Variants in NKAIN2 observed in about 807,000 individuals in gnomAD.
NKAIN2 encodes the protein sodium/potassium transporting ATPase interacting 2.
In NKAIN2, 14 loss-of-function variants were observed where a neutral mutation model predicts 32.6. The ratio of observed to expected loss-of-function variants is 0.43; its 90% confidence interval spans 0.28 to 0.67. The LOEUF (loss-of-function observed/expected upper bound fraction) is 0.67, where lower values mean the gene tolerates loss of function less well. Ranked by LOEUF, NKAIN2 falls within the 30% of genes least tolerant of loss-of-function variation. NKAIN2 has a pLI of 0.17. For synonymous variants in NKAIN2, 80 were observed against 87.2 expected, an observed-to-expected ratio of 0.92 and a Z score of 0.46; for missense variants, 198 against 258.3, an observed-to-expected ratio of 0.77 and a Z score of 1.60.
At chr6:124,698,889 C>T (rs563443917) in intron 4 of NKAIN2, among the ~76,000 whole-genome samples, 2 of 152,288 alleles carry the variant, frequency 1.3e-5, no homozygotes, top group Non-Finnish European at 2.9e-5. Flanking sequence ...AGTAATAACA[C>T]AGAATGTTTT....
chr6:124,592,657 C>T (rs2114964225), intron 3 of NKAIN2, among the ~76,000 whole-genome samples: 2 of 152,238 alleles, frequency 1.3e-5, no homozygotes, highest in South Asian at 4.2e-4. Context: ...AGTATTTATT[C>T]ATCAACATTT....
At chr6:124,810,254 C>G (rs939908307) in intron 5 of NKAIN2, among the ~76,000 whole-genome samples, 46 of 151,674 alleles carry the variant, frequency 3.0e-4, no homozygotes, top group Non-Finnish European at 4.9e-4. Flanking sequence ...CAATGATAGA[C>G]TGGATTAAGA....
intron 1 of NKAIN2, among the ~76,000 whole-genome samples, chr6:123,990,700 A>T (rs532052128): frequency 1.3e-3 from 200 of 152,236 alleles, no homozygotes; most frequent in African/African-American, 4.5e-3. Flanking sequence ...TGGAATCTAA[A>T]CCATAACCAC....
At chr6:124,326,295 C>A (rs1212910513) in intron 2 of NKAIN2, among the ~76,000 whole-genome samples, 1 of 150,452 alleles carries the variant, frequency 6.6e-6, no homozygotes, top group African/African-American at 2.4e-5. Context: ...TTACTTTCAT[C>A]TTTATCTTTC....
intron 3 of NKAIN2, among the ~76,000 whole-genome samples, chr6:124,622,877 G>A (rs1254742361): frequency 2.0e-5 from 3 of 152,132 alleles, no homozygotes; most frequent in Non-Finnish European, 4.4e-5. Context: ...CTGCTGGCCT[G>A]CTCTGGAGCC....
At chr6:124,748,601 C>T (rs1042349018) in intron 4 of NKAIN2, among the ~76,000 whole-genome samples, 1 of 151,832 alleles carries the variant, frequency 6.6e-6, no homozygotes, top group Non-Finnish European at 1.5e-5. Flanking sequence ...ACTTTTCAGA[C>T]AAAACAAGAT....
intron 1 of NKAIN2, among the ~76,000 whole-genome samples, chr6:124,211,822 G>A (rs538257579): frequency 5.3e-4 from 80 of 152,008 alleles, no homozygotes; most frequent in African/African-American, 1.8e-3. Flanking sequence ...GTTAAAAGTC[G>A]AAAATTGTGA....
chr6:124,327,947 C>T (rs1797490383), intron 2 of NKAIN2, among the ~76,000 whole-genome samples: 1 of 152,130 alleles, frequency 6.6e-6, no homozygotes, highest in Non-Finnish European at 1.5e-5. Context: ...AGGCTAGTCA[C>T]ATTCAAATTT....
At chr6:124,247,442 G>C (rs552268041) in intron 1 of NKAIN2, among the ~76,000 whole-genome samples, 2 of 152,108 alleles carry the variant, frequency 1.3e-5, no homozygotes, top group Non-Finnish European at 2.9e-5. Context: ...TCTACTCAAC[G>C]TCATAAACTT....
At chr6:124,635,633 T>G (rs1006492343) in intron 3 of NKAIN2, among the ~76,000 whole-genome samples, 1 of 151,966 alleles carries the variant, frequency 6.6e-6, no homozygotes, top group African/African-American at 2.4e-5. Flanking sequence ...ACCAAAAGCA[T>G]GCAGGAGTTG....
intron 5 of NKAIN2, among the ~76,000 whole-genome samples, chr6:124,817,431 T>G (rs1781215221): frequency 6.6e-6 from 1 of 152,152 alleles, no homozygotes; most frequent in Non-Finnish European, 1.5e-5. Context: ...ATACTGTTAC[T>G]GAAACACTTA....
intron 1 of NKAIN2, among the ~76,000 whole-genome samples, chr6:124,049,572 C>G (rs895177385): frequency 2.6e-5 from 4 of 152,066 alleles, no homozygotes; most frequent in African/African-American, 9.7e-5. Context: ...TTTCAGTTAC[C>G]TGTAGTCAAC....
At chr6:124,166,368 GT>G (rs1788542494) in intron 1 of NKAIN2, among the ~76,000 whole-genome samples, 1 of 152,010 alleles carries the variant, frequency 6.6e-6, no homozygotes, top group South Asian at 2.1e-4. Flanking sequence ...GGGGTTGTTT[GT>G]TTTTTTCTTG....
At chr6:124,744,932 G>A (rs184457312) in intron 4 of NKAIN2, among the ~76,000 whole-genome samples, 127 of 151,870 alleles carry the variant, frequency 8.4e-4, no homozygotes, top group African/African-American at 2.9e-3. Flanking sequence ...CCTTGGCTAC[G>A]TGCTAACTCC....
intron 1 of NKAIN2, among the ~76,000 whole-genome samples, chr6:124,061,523 A>C (rs1446027781): frequency 2.0e-5 from 3 of 152,124 alleles, no homozygotes; most frequent in South Asian, 2.1e-4. Flanking sequence ...TTCTTACACT[A>C]TGAGTGTCTT....
At chr6:123,990,109 C>T (rs1582892831) in intron 1 of NKAIN2, among the ~76,000 whole-genome samples, 2 of 152,256 alleles carry the variant, frequency 1.3e-5, no homozygotes, top group Middle Eastern at 6.8e-3. Flanking sequence ...ATGCCAGACA[C>T]TATTTATAAA....
At chr6:124,392,436 C>A (rs1773182552) in intron 3 of NKAIN2, among the ~76,000 whole-genome samples, 1 of 152,100 alleles carries the variant, frequency 6.6e-6, no homozygotes, top group East Asian at 1.9e-4. Context: ...TTAGAAATAA[C>A]CCTTAAGGTT....
intron 3 of NKAIN2, among the ~76,000 whole-genome samples, chr6:124,368,061 G>A (rs745338959): frequency 1.3e-5 from 2 of 151,994 alleles, no homozygotes; most frequent in Non-Finnish European, 2.9e-5. Context: ...TGCTGCTTTT[G>A]TGTGGTAAAA....
intron 1 of NKAIN2, among the ~76,000 whole-genome samples, chr6:123,883,108 G>T (rs552115975): frequency 6.6e-6 from 1 of 152,190 alleles, no homozygotes; most frequent in East Asian, 1.9e-4. Flanking sequence ...AGATCATGGG[G>T]TTGATTTCTC....
Sources: allele counts gnomAD v4.1 joint callset (sites outside exome capture counted in the v4.1 genomes callset), GRCh38; gene constraint gnomAD v4.1.1; transcripts MANE v1.5; gene names NCBI Gene and HGNC (gene_info 2026-07-23, HGNC 2026-07-21).